Variants in NYAP2 observed in about 807,000 individuals in gnomAD.
NYAP2 encodes the protein neuronal tyrosine-phosphorylated phosphoinositide-3-kinase adapter 2.
In NYAP2, 23 loss-of-function variants were observed where a neutral mutation model predicts 50.4. The ratio of observed to expected loss-of-function variants is 0.46; its 90% confidence interval spans 0.33 to 0.65. NYAP2 has a LOEUF of 0.65. Ranked by LOEUF, NYAP2 falls within the 30% of genes least tolerant of loss-of-function variation. NYAP2 has a pLI of 0.02. For missense variants in NYAP2, 885 were observed against 861.0 expected, an observed-to-expected ratio of 1.03 and a Z score of -0.35; for synonymous variants, 394 against 365.2, an observed-to-expected ratio of 1.08 and a Z score of -0.90.
chr2:225,505,409 G>C (rs1690687069), intron 3 of NYAP2, among the ~76,000 whole-genome samples: 1 of 152,160 alleles, frequency 6.6e-6, no homozygotes, highest in Admixed American at 6.5e-5. Context: ...AAGGGTAATG[G>C]TGAGTAAACA....
chr2:225,405,327 T>A (rs532524919), intron 2 of NYAP2, among the ~76,000 whole-genome samples: 11 of 151,940 alleles, frequency 7.2e-5, no homozygotes, highest in Non-Finnish European at 1.3e-4. Flanking sequence ...AGAGGGGACA[T>A]TTGCCTCTTA....
At chr2:225,540,130 C>A (rs1691432417) in intron 4 of NYAP2, among the ~76,000 whole-genome samples, 1 of 152,180 alleles carries the variant, frequency 6.6e-6, no homozygotes, top group African/African-American at 2.4e-5. Context: ...AGCCATTCAA[C>A]AAATATCTTG....
downstream of NYAP2, among the ~76,000 whole-genome samples, chr2:225,656,592 G>A (rs1466590099): frequency 6.6e-6 from 1 of 152,118 alleles, no homozygotes; most frequent in African/African-American, 2.4e-5. Context: ...CCTGGATAAG[G>A]GAACATGTTA....
chr2:225,446,559 G>A (rs1362592756), intron 3 of NYAP2, among the ~76,000 whole-genome samples: 2 of 152,028 alleles, frequency 1.3e-5, no homozygotes, highest in African/African-American at 4.8e-5. Context: ...AAGTTATATA[G>A]AAACACAGAG....
chr2:225,701,610 C>T, the NYAP2 span: 4 of 151,786 alleles, frequency 2.6e-5, no homozygotes, highest in South Asian at 2.1e-4. Flanking sequence ...ACATCTCTCC[C>T]ATGTTTATGC....
At chr2:225,575,840 G>T (rs1035208228) in intron 4 of NYAP2, among the ~76,000 whole-genome samples, 2 of 152,188 alleles carry the variant, frequency 1.3e-5, no homozygotes, top group African/African-American at 4.8e-5. Flanking sequence ...TCTTGATCAT[G>T]ACCTATAAGA....
At chr2:225,644,129 C>T (rs199556449) in intron 6 of NYAP2, among the ~76,000 whole-genome samples, 3,323 of 149,130 alleles carry the variant, frequency 0.022, 131 homozygotes, top group African/African-American at 0.078. Context: ...TTTTAATGAT[C>T]GCCATTCTAA....
At chr2:225,612,624 G>A (rs929348265) in intron 5 of NYAP2, among the ~76,000 whole-genome samples, 2 of 152,122 alleles carry the variant, frequency 1.3e-5, no homozygotes, top group African/African-American at 4.8e-5. Flanking sequence ...AAGTACTGGT[G>A]AGGACTCTCT....
At chr2:225,416,158 G>A (rs1050534904) in intron 3 of NYAP2, among the ~76,000 whole-genome samples, 10 of 152,102 alleles carry the variant, frequency 6.6e-5, no homozygotes, top group African/African-American at 2.4e-4. Flanking sequence ...CATTTCAGGG[G>A]ACCACAGGTT....
intron 5 of NYAP2, among the ~76,000 whole-genome samples, chr2:225,589,505 A>C (rs1038874608): frequency 2.3e-4 from 28 of 122,882 alleles, no homozygotes; most frequent in African/African-American, 9.2e-4. Flanking sequence ...CTATATCTCT[A>C]CTAAAAGTAA....
At chr2:225,436,112 T>C (rs1689371846) in intron 3 of NYAP2, among the ~76,000 whole-genome samples, 1 of 152,220 alleles carries the variant, frequency 6.6e-6, no homozygotes, top group Non-Finnish European at 1.5e-5. Context: ...CCCCGTTTAG[T>C]CAATTTAACA....
chr2:225,611,901 TACACACACACAC>T (rs147331159), intron 5 of NYAP2, among the ~76,000 whole-genome samples: 7,753 of 145,562 alleles, frequency 0.053, 220 homozygotes, highest in Admixed American at 0.087. Context: ...TGTGTGTGTA[TACACACACACAC>T]ACACACACAC....
At chr2:225,402,273 T>C (rs1694875989) in intron 2 of NYAP2, among the ~76,000 whole-genome samples, 1 of 151,858 alleles carries the variant, frequency 6.6e-6, no homozygotes, top group South Asian at 2.1e-4. Flanking sequence ...AGTGTAAAAA[T>C]CCTAGACACA....
At chr2:225,633,143 G>A (rs1016643878) in intron 6 of NYAP2, among the ~76,000 whole-genome samples, 6 of 152,168 alleles carry the variant, frequency 3.9e-5, no homozygotes, top group African/African-American at 1.4e-4. Context: ...AGACACACCT[G>A]CCCTGGCTTG....
At chr2:225,451,783 A>C (rs566269965) in intron 3 of NYAP2, among the ~76,000 whole-genome samples, 14 of 152,350 alleles carry the variant, frequency 9.2e-5, no homozygotes, top group Non-Finnish European at 1.9e-4. Flanking sequence ...GCTAATAAGA[A>C]TGGAAATTTC....
chr2:225,509,601 C>A (rs1690773480), intron 3 of NYAP2, among the ~76,000 whole-genome samples: 2 of 152,162 alleles, frequency 1.3e-5, no homozygotes, highest in South Asian at 4.1e-4. Flanking sequence ...ACCCACTACA[C>A]AAGGGGTGTT....
At chr2:225,513,650 G>A in exon 4 of NYAP2, 1 of 1,518,656 alleles carries the variant, frequency 6.6e-7, no homozygotes, top group Non-Finnish European at 8.8e-7. Context: ...GTAAGAGCGG[G>A]AAAACCCCTG....
At chr2:225,578,117 G>T (rs1211418755) in intron 4 of NYAP2, among the ~76,000 whole-genome samples, 1 of 151,986 alleles carries the variant, frequency 6.6e-6, no homozygotes, top group South Asian at 2.1e-4. Flanking sequence ...ATTTTTAGTA[G>T]AGATGGGGTT....
intron 3 of NYAP2, among the ~76,000 whole-genome samples, chr2:225,495,303 A>G (rs1690483580): frequency 6.6e-6 from 1 of 152,188 alleles, no homozygotes; most frequent in Non-Finnish European, 1.5e-5. Flanking sequence ...GGGGTTAGGA[A>G]AGAGGGAATT....
Sources: gnomAD v4.1 joint callset for allele counts (sites outside exome capture counted in the v4.1 genomes callset) on GRCh38, gnomAD v4.1.1 for gene constraint, MANE v1.5 for transcripts, NCBI Gene and HGNC (gene_info 2026-07-23, HGNC 2026-07-21) for gene names.